Variants in PRH1 observed in about 807,000 individuals in gnomAD.
PRH1 encodes the protein proline rich protein HaeIII subfamily 1.
A neutral mutation model predicts 7.9 loss-of-function variants in PRH1; 7 were observed. That is an observed-to-expected ratio of 0.89 (90% confidence interval 0.50 to 1.67). The LOEUF is 1.67. PRH1 is among the 40% of genes most tolerant of loss of function. The pLI, the probability that PRH1 is intolerant of heterozygous loss-of-function variation, is 0.00. For synonymous variants in PRH1, 45 were observed against 80.8 expected (o/e 0.56, Z 2.38); for missense variants, 109 against 223.6 (o/e 0.49, Z 3.27).
intron 1 of PRH1, among the ~76,000 whole-genome samples, chr12:11,084,631 T>C (rs77838290): frequency 0.23 from 13,161 of 56,442 alleles, 741 homozygotes; most frequent in East Asian, 0.36. Flanking sequence ...CCTTTAATAT[T>C]TATATGAAAC....
At chr12:10,976,633 GT>G (rs148183795) in intron 1 of PRH1, among the ~76,000 whole-genome samples, 66,241 of 147,024 alleles carry the variant, frequency 0.45, 15,511 homozygotes, top group Non-Finnish European at 0.53. Flanking sequence ...GGGCTGAGGA[GT>G]TTTTTTTTTT....
intron 1 of PRH1, among the ~76,000 whole-genome samples, chr12:11,113,388 A>C (rs562684280): frequency 1.3e-5 from 2 of 152,160 alleles, no homozygotes; most frequent in Non-Finnish European, 2.9e-5. Context: ...GGAACAGAAC[A>C]GAGGCCTCAG....
At chr12:10,936,837 G>A (rs1210557632) in intron 2 of PRH1, among the ~76,000 whole-genome samples, 2 of 152,000 alleles carry the variant, frequency 1.3e-5, no homozygotes, top group Non-Finnish European at 2.9e-5. Flanking sequence ...TTGAGAGTGT[G>A]GGCTTCAACA....
intron 1 of PRH1, among the ~76,000 whole-genome samples, chr12:10,982,036 T>C (rs1939382899): frequency 6.6e-6 from 1 of 152,118 alleles, no homozygotes; most frequent in African/African-American, 2.4e-5. Flanking sequence ...CATAGAGCTT[T>C]GGCCCATGTC....
chr12:11,003,219 C>T (rs1411257121), intron 1 of PRH1, among the ~76,000 whole-genome samples: 1 of 151,814 alleles, frequency 6.6e-6, no homozygotes, highest in Non-Finnish European at 1.5e-5. Context: ...ACTCTAATTA[C>T]GATGGTACAT....
intron 1 of PRH1, among the ~76,000 whole-genome samples, chr12:10,983,822 G>C (rs1017621181): frequency 1.3e-5 from 2 of 152,016 alleles, no homozygotes; most frequent in Non-Finnish European, 2.9e-5. Flanking sequence ...CACAAGACAT[G>C]GTTTCACATT....
intron 1 of PRH1, chr12:11,133,078 A>G: frequency 1.7e-6 from 1 of 595,754 alleles, no homozygotes. Context: ...TTGTGAAAAA[A>G]CAATAAAAAG....
At chr12:10,911,227 C>T (rs1166377861) in intron 2 of PRH1, among the ~76,000 whole-genome samples, 5 of 151,998 alleles carry the variant, frequency 3.3e-5, no homozygotes, top group African/African-American at 1.2e-4. Context: ...CAAATCTGTA[C>T]AAATAGGCCT....
At chr12:11,146,787 T>C (rs1946873833) in intron 1 of PRH1, among the ~76,000 whole-genome samples, 2 of 152,222 alleles carry the variant, frequency 1.3e-5, no homozygotes, top group Non-Finnish European at 2.9e-5. Flanking sequence ...GAAAAGTCCA[T>C]TATCCAAACA....
downstream of PRH1, among the ~76,000 whole-genome samples, chr12:11,117,882 T>C (rs999758764): frequency 3.9e-5 from 6 of 152,152 alleles, no homozygotes; most frequent in Admixed American, 1.3e-4. Context: ...AGAATGAAAC[T>C]AGGCCCATAT....
At chr12:11,120,748 GT>G (rs1329670294), downstream of PRH1, 4 of 152,016 alleles carry the variant, frequency 2.6e-5, no homozygotes, top group Non-Finnish European at 4.4e-5. Context: ...AGCAAAAAAT[GT>G]TGTGTATATA....
chr12:11,151,363 G>T (rs1334931599), intron 1 of PRH1, among the ~76,000 whole-genome samples: 3 of 152,056 alleles, frequency 2.0e-5, no homozygotes, highest in Non-Finnish European at 2.9e-5. Context: ...GGTTAGAGAG[G>T]CTAGAAAATA....
chr12:10,913,511 T>TC (rs1214098116), intron 2 of PRH1, among the ~76,000 whole-genome samples: 76 of 152,330 alleles, frequency 5.0e-4, no homozygotes, highest in African/African-American at 1.8e-3. Flanking sequence ...TTATTTTTGT[T>TC]AGTGTTTTAT....
intron 1 of PRH1, chr12:11,021,762 C>A (rs753694713): frequency 6.2e-7 from 1 of 1,614,038 alleles, no homozygotes; most frequent in African/African-American, 1.3e-5. Flanking sequence ...ATGAAGGATA[C>A]ATGATTGCAA....
chr12:11,072,618 C>A (rs1400404622), intron 1 of PRH1, among the ~76,000 whole-genome samples: 3 of 152,222 alleles, frequency 2.0e-5, no homozygotes, highest in Non-Finnish European at 4.4e-5. Context: ...ACATCCCTCT[C>A]CACTTAACCT....
intron 2 of PRH1, among the ~76,000 whole-genome samples, chr12:10,894,010 G>A (rs1229949472): frequency 6.6e-6 from 1 of 151,962 alleles, no homozygotes; most frequent in Non-Finnish European, 1.5e-5. Context: ...GGTTATCCCT[G>A]ATTTGTTTTT....
At chr12:10,919,065 T>C (rs1214093890) in intron 2 of PRH1, among the ~76,000 whole-genome samples, 1 of 152,132 alleles carries the variant, frequency 6.6e-6, no homozygotes, top group Non-Finnish European at 1.5e-5. Flanking sequence ...ACAAAACAAT[T>C]CTTGGTATTT....
chr12:10,954,903 C>T (rs959495744), intron 2 of PRH1, among the ~76,000 whole-genome samples: 1 of 152,150 alleles, frequency 6.6e-6, no homozygotes, highest in Non-Finnish European at 1.5e-5. Flanking sequence ...TGTATATGCA[C>T]CTGACAAAAG....
At position 11,097,749 on chromosome 12, in the gene PRH1, G is replaced by C. The variant is rs1032966616; in HGVS notation, n.124-50561C>G. On this transcript the variant is annotated intron_variant and non_coding_transcript_variant, in intron 1 of 4. Coordinates refer to the PRH1 transcript ENST00000541977. The stretch of plus-strand genomic sequence containing the variant: ...TAGATGAAGATATAGATGATGAAGA[G>C]AATGATGATGGCAGGTGAAAGGGAG... Among the ~76,000 whole-genome samples the C allele has an allele frequency of 2.6e-5, 3 of 113,862 alleles. No homozygotes were observed. In the Admixed American group the frequency reaches 2.7e-4, roughly 10 times the overall value. 74.7% of individuals were successfully genotyped at this position (113,862 alleles called of 152,430 possible). A position where few individuals can be genotyped will look rare whatever the true frequency, so the allele number is the denominator to read the frequency against.
Sources: gnomAD v4.1 joint callset for allele counts (sites outside exome capture counted in the v4.1 genomes callset) on GRCh38, gnomAD v4.1.1 for gene constraint, MANE v1.5 for transcripts, NCBI Gene and HGNC (gene_info 2026-07-23, HGNC 2026-07-21) for gene names.